DYNC1H1: variants seen among roughly 807,000 people sequenced by gnomAD.
DYNC1H1 encodes dynein cytoplasmic 1 heavy chain 1, also known as cytoplasmic dynein 1 heavy chain 1.
A neutral mutation model predicts 527.1 loss-of-function variants in DYNC1H1; 51 were observed. The observed-to-expected ratio is 0.10, with a 90% confidence interval of 0.08 to 0.12. The LOEUF (loss-of-function observed/expected upper bound fraction) is 0.12. Ranked by LOEUF, DYNC1H1 falls within the 10% of genes least tolerant of loss-of-function variation. DYNC1H1 has a pLI of 1.00. For synonymous variants in DYNC1H1, 2,189 were observed against 2,278.8 expected, an observed-to-expected ratio of 0.96 and a Z score of 1.12; for missense variants, 2,771 against 5,971.8, an observed-to-expected ratio of 0.46 and a Z score of 17.66.
At position 101,979,162 on chromosome 14, in the gene DYNC1H1, A is replaced by G. The variant is rs2047834560; in HGVS notation, c.345-157A>G. 1.3e-5 allele frequency among the ~76,000 whole-genome samples: 2 copies of G among 152,236 alleles called. No individual in the cohort carries two copies. The highest frequency in any genetic ancestry group is 4.8e-5 in the African/African-American group (2 of 41,458). ...TGTTTGTTCACATTCTGTAACCATA[A>G]CCTTGATTCAGTAGCTCTCATGTAC... On this transcript the variant is annotated intron_variant, in intron 2 of 77. Coordinates refer to ENST00000360184, the MANE Select transcript of DYNC1H1 (RefSeq NM_001376.5). The surrounding 1 kb of genome is among the most constrained non-coding windows in gnomAD (Gnocchi z 4.6).
At chr14:101,990,654 C>A (rs970672473) in intron 10 of DYNC1H1, among the ~76,000 whole-genome samples, 1 of 152,132 alleles carries the variant, frequency 6.6e-6, no homozygotes, top group African/African-American at 2.4e-5. Context: ...GTGGGCAGAT[C>A]GCTTGAGCTC....
At chr14:102,013,419 T>C (rs763455717) in intron 34 of DYNC1H1, among the ~76,000 whole-genome samples, 32 of 152,002 alleles carry the variant, frequency 2.1e-4, no homozygotes, top group Admixed American at 8.5e-4. Context: ...CCTGAGAACG[T>C]AGTTTGAGCA....
At chr14:102,031,749 G>A (rs559541708) in intron 51 of DYNC1H1, among the ~76,000 whole-genome samples, 1 of 152,314 alleles carries the variant, frequency 6.6e-6, no homozygotes, top group South Asian at 2.1e-4. Context: ...GAGGTCGGGA[G>A]TTCAAGACCA....
chr14:102,035,467 G>A (rs1311612939), intron 56 of DYNC1H1: 1 of 152,288 alleles, frequency 6.6e-6, no homozygotes, highest in East Asian at 1.9e-4. Context: ...AATCAGTACA[G>A]CCTGTGCGCA....
rs2152593611 is a variant in DYNC1H1, at chr14:102,036,476, G to A, written c.10755-13G>A. On this transcript the variant is annotated splice_polypyrimidine_tract_variant and intron_variant, in intron 56 of 77. Coordinates refer to ENST00000360184, the MANE Select transcript of DYNC1H1 (RefSeq NM_001376.5). This position sits in a 1 kb window ranked among gnomAD's most constrained non-coding sequence, Gnocchi z 5.6. ...CGGTGTTTCAACCTTCTCTTCTGTG[G>A]CCTCATCCTCAGGTATCCGCTGATC... is the stretch of plus-strand genomic sequence containing the variant. 1.9e-6 allele frequency: 3 copies of A among 1,613,200 alleles called. No individual in the cohort carries two copies. Among genetic ancestry groups the A allele is most frequent in the East Asian group, 2.2e-5 (1 of 44,872 alleles).
In DYNC1H1 at chr14:101,971,029, G is replaced by A. The variant is rs140247099; in HGVS notation, c.257-4683G>A. Reference sequence around the variant, plus strand: ...TGCTTTGTCCCTTTTCCAACTGCCCGTTCACCAGACTTTGAGAGGGCATGC... The same window carrying A: ...TGCTTTGTCCCTTTTCCAACTGCCCATTCACCAGACTTTGAGAGGGCATGC... On this transcript the variant is annotated intron_variant, in intron 1 of 77. Transcript: ENST00000360184. Among the ~76,000 whole-genome samples, 681 of 148,316 alleles carry A rather than the reference G, an allele frequency of 4.6e-3. 23 individuals are homozygous for A. The highest frequency in any genetic ancestry group is 2.2e-3 in the East Asian group (11 of 5,042).
chr14:101,992,580 T>A (rs1035335974), intron 11 of DYNC1H1, among the ~76,000 whole-genome samples: 2 of 152,216 alleles, frequency 1.3e-5, no homozygotes, highest in East Asian at 3.8e-4. Context: ...CTCGTTTAGC[T>A]GTTCTGCCCT....
Position 102,027,870 on chromosome 14 carries a change from T to A in DYNC1H1, c.9263+37T>A. 1.2e-6 allele frequency: 2 copies of A among 1,614,152 alleles called. No homozygotes were observed. The highest frequency in any genetic ancestry group is 1.7e-6 in the Non-Finnish European group (2 of 1,180,024). ...TTTACTTGGCTCTGGGTCAGGAAAGTCGGTGTCCTTCCAAGGGACAAAGCC... is the reference window on the plus strand; with the variant it reads ...TTTACTTGGCTCTGGGTCAGGAAAGACGGTGTCCTTCCAAGGGACAAAGCC... On this transcript the variant is annotated intron_variant, in intron 47 of 77. Transcript: ENST00000360184. This position sits in a 1 kb window ranked among gnomAD's most constrained non-coding sequence, Gnocchi z 7.7.
At position 102,033,319 on chromosome 14, in the gene DYNC1H1, G is replaced by A. The variant is rs1180594284; in HGVS notation, c.10248G>A (p.Leu3416=). 1 of 1,614,198 alleles carries A rather than the reference G, an allele frequency of 6.2e-7. No homozygotes were observed. The highest frequency in any genetic ancestry group is 8.5e-7 in the Non-Finnish European group (1 of 1,180,032). Residue 3416 remains leucine, a synonymous_variant, in exon 54 of 78, where the codon CTG becomes CTA. Transcript: ENST00000360184. The surrounding 1 kb of genome is among the most constrained non-coding windows in gnomAD (Gnocchi z 5.6). ...GAGTGGAGCCCCTACGCAATGAGCT[G>A]CAGAAGCTGGAAGATGACGCCAAGG... ...LKRVEPLRNE[L]QKLEDDAKDN...
In DYNC1H1 at chr14:102,032,393, G is replaced by A; in HGVS notation, c.10005G>A (p.Trp3335Ter). Reference sequence around the variant, plus strand: ...TGCTGGGGGAAAGCACCACAGACTGGAAGCAGATCCGCTCCATCATCATGC... The same window carrying A: ...TGCTGGGGGAAAGCACCACAGACTGAAAGCAGATCCGCTCCATCATCATGC... ...CLLLGESTTD[W>*]KQIRSIIMRE... The change falls in exon 52 of 78, where the codon TGG becomes TGA. Residue 3335 changes from tryptophan to a stop codon, truncating the protein, a stop_gained. Coordinates refer to ENST00000360184, the MANE Select transcript of DYNC1H1 (RefSeq NM_001376.5). LOFTEE classifies it high-confidence loss of function. 6.2e-7 allele frequency: 1 copy of A among 1,614,244 alleles called. No homozygotes were observed.
In DYNC1H1 at chr14:102,033,963, G is replaced by A. The variant is rs17541421; in HGVS notation, c.10414-13G>A. 528 of 1,613,684 alleles carry A rather than the reference G, an allele frequency of 3.3e-4. 1 individual carries two copies. In the African/African-American group the frequency reaches 6.2e-3, roughly 19 times the overall value. On this transcript the variant is annotated splice_polypyrimidine_tract_variant and intron_variant, in intron 54 of 77. Coordinates refer to ENST00000360184, the MANE Select transcript of DYNC1H1 (RefSeq NM_001376.5). This position sits in a 1 kb window ranked among gnomAD's most constrained non-coding sequence, Gnocchi z 5.6. Reference sequence around the variant, plus strand: ...GCCTCATCCCTGAGCATCTTGTTCGGTTTTCCTTTTAGGTAAACCGGAGCA... The same window carrying A: ...GCCTCATCCCTGAGCATCTTGTTCGATTTTCCTTTTAGGTAAACCGGAGCA...
intron 16 of DYNC1H1, among the ~76,000 whole-genome samples, chr14:101,999,289 G>A (rs1023564402): frequency 2.0e-5 from 3 of 152,148 alleles, no homozygotes; most frequent in Non-Finnish European, 4.4e-5. Context: ...CGTTGTAGCT[G>A]GGACTACAGG....
At chr14:101,966,340 A>G (rs1272936353) in intron 1 of DYNC1H1, among the ~76,000 whole-genome samples, 1 of 152,114 alleles carries the variant, frequency 6.6e-6, no homozygotes, top group Non-Finnish European at 1.5e-5. Context: ...TATTTAGAGT[A>G]TTAATGTTTT....
intron 43 of DYNC1H1, among the ~76,000 whole-genome samples, chr14:102,024,166 C>T (rs2152587285): frequency 6.6e-6 from 1 of 152,298 alleles, no homozygotes; most frequent in East Asian, 1.9e-4. Flanking sequence ...TTTTCACATT[C>T]CTCACACTGA....
chr14:102,038,983 A>G lies in DYNC1H1; in HGVS notation c.11207-18A>G. 1.9e-6 allele frequency: 3 copies of G among 1,613,938 alleles called. No individual in the cohort carries two copies. The highest frequency in any genetic ancestry group is 1.7e-6 in the Non-Finnish European group (2 of 1,180,014). On this transcript the variant is annotated intron_variant, in intron 59 of 77. Transcript: ENST00000360184. The surrounding 1 kb of genome is among the most constrained non-coding windows in gnomAD (Gnocchi z 7.2). The stretch of plus-strand genomic sequence containing the variant: ...TTTGAAGGATTATTGCAAACTCTGG[A>G]TGTTTTATTCATTTAAGGGGAATTT...
intron 43 of DYNC1H1, 52 bp from the exon 44 acceptor site, chr14:102,026,522 A>C: frequency 6.2e-7 from 1 of 1,608,230 alleles, no homozygotes; most frequent in Non-Finnish European, 8.5e-7. Flanking sequence ...ACTTTGGTCT[A>C]ATAACTAACA....
At chr14:101,966,424 TTATC>T (rs1471664110) in intron 1 of DYNC1H1, among the ~76,000 whole-genome samples, 2 of 152,080 alleles carry the variant, frequency 1.3e-5, no homozygotes, top group East Asian at 1.9e-4. Flanking sequence ...AAAAAAAAAT[TTATC>T]TACTCTTTTT....
intron 16 of DYNC1H1, among the ~76,000 whole-genome samples, chr14:101,998,676 G>A (rs149854658): frequency 6.6e-6 from 1 of 152,028 alleles, no homozygotes; most frequent in African/African-American, 2.4e-5. Flanking sequence ...CGTGCTGCTG[G>A]GCCCCTGCAG....
chr14:102,008,415 G>A (rs1029122346), intron 29 of DYNC1H1, 78 bp downstream of exon 29: 1 of 1,552,946 alleles, frequency 6.4e-7, no homozygotes, highest in Non-Finnish European at 8.8e-7. Context: ...CTACCTCTTG[G>A]ATTAGAAATA....
Sources: allele counts gnomAD v4.1 joint callset (sites outside exome capture counted in the v4.1 genomes callset), GRCh38; gene constraint gnomAD v4.1.1; non-coding constraint Gnocchi (gnomAD v3.1); transcripts MANE v1.5; gene names NCBI Gene and HGNC (gene_info 2026-07-23, HGNC 2026-07-21).